The following IQSEC1 variants were observed in gnomAD, a reference collection of about 807,000 sequenced individuals.
IQSEC1 encodes the protein IQ motif and SEC7 domain-containing protein 1.
In IQSEC1, 31 loss-of-function variants were observed where a neutral mutation model predicts 91.0. The ratio of observed to expected loss-of-function variants is 0.34; its 90% CI spans 0.26 to 0.46. The LOEUF is 0.46. Among genes scored for constraint, IQSEC1 ranks in the 20% least tolerant of loss-of-function variants. The probability of loss-of-function intolerance (pLI) is 1.00; values close to 1 mark genes in which losing one functional copy is unlikely to be tolerated. For synonymous variants in IQSEC1, 699 were observed against 662.6 expected (o/e 1.05, Z -0.84); for missense variants, 1,388 against 1,575.6 (o/e 0.88, Z 2.02).
intron 2 of IQSEC1, among the ~76,000 whole-genome samples, chr3:13,154,282 C>T (rs1432159026): frequency 1.3e-5 from 2 of 149,844 alleles, no homozygotes; most frequent in African/African-American, 2.5e-5. Context: ...CTGTGCACCC[C>T]AAGCTGCCAG....
At chr3:12,931,427 C>T (rs935173727) in intron 3 of IQSEC1, among the ~76,000 whole-genome samples, 2 of 152,234 alleles carry the variant, frequency 1.3e-5, no homozygotes, top group Non-Finnish European at 2.9e-5. Context: ...CTCTCAGCCT[C>T]GCTGCCTGCA....
intron 1 of IQSEC1, among the ~76,000 whole-genome samples, chr3:12,947,304 C>T (rs764346551): frequency 3.9e-5 from 6 of 152,114 alleles, no homozygotes; most frequent in Admixed American, 1.3e-4. Flanking sequence ...GTGCAAGCTG[C>T]GGCAGGTCAG....
intron 1 of IQSEC1, among the ~76,000 whole-genome samples, chr3:13,173,736 C>G (rs1693664974): frequency 6.6e-6 from 1 of 152,240 alleles, no homozygotes; most frequent in Admixed American, 6.5e-5. Flanking sequence ...CTCCAAGCCT[C>G]AGTTTCCCCA....
intron 1 of IQSEC1, among the ~76,000 whole-genome samples, chr3:13,173,410 C>T (rs539434300): frequency 6.6e-6 from 1 of 152,352 alleles, no homozygotes; most frequent in Non-Finnish European, 1.5e-5. Context: ...CCCCCGGGGG[C>T]CTTGCTCCCT....
At chr3:13,210,487 C>T (rs764933223) in intron 1 of IQSEC1, among the ~76,000 whole-genome samples, 14 of 152,190 alleles carry the variant, frequency 9.2e-5, no homozygotes, top group Non-Finnish European at 2.1e-4. Flanking sequence ...CCAGGCCACC[C>T]GCCCCTCCCC....
chr3:13,082,760 C>T (rs993164397), intron 2 of IQSEC1, among the ~76,000 whole-genome samples: 2 of 152,230 alleles, frequency 1.3e-5, no homozygotes, highest in Non-Finnish European at 2.9e-5. Context: ...CCTTGGCTCT[C>T]GGAGACCTGT....
intron 2 of IQSEC1, among the ~76,000 whole-genome samples, chr3:13,097,062 G>A (rs543857255): frequency 2.0e-5 from 3 of 152,092 alleles, no homozygotes; most frequent in East Asian, 1.9e-4. Flanking sequence ...GGGTTTCACC[G>A]TGTTAGCCAG....
At chr3:13,208,873 G>A (rs1216631985) in intron 1 of IQSEC1, among the ~76,000 whole-genome samples, 6 of 152,206 alleles carry the variant, frequency 3.9e-5, no homozygotes, top group Non-Finnish European at 7.3e-5. Flanking sequence ...GTGCCTGGGG[G>A]TTGCCCCGGG....
chr3:13,163,034 GC>G (rs901742127), intron 2 of IQSEC1, among the ~76,000 whole-genome samples: 3 of 152,046 alleles, frequency 2.0e-5, no homozygotes, highest in African/African-American at 7.3e-5. Context: ...TTCTGAGCAT[GC>G]CTCTGCTTCC....
chr3:12,941,533 C>A (rs368588171), intron 2 of IQSEC1, 38 bp downstream of exon 2: 1 of 1,500,966 alleles, frequency 6.7e-7, no homozygotes. Flanking sequence ...AGCTGCCCTG[C>A]GCTTGCATGT....
intron 1 of IQSEC1, among the ~76,000 whole-genome samples, chr3:13,071,429 A>G (rs1197381320): frequency 2.0e-5 from 3 of 152,034 alleles, no homozygotes; most frequent in South Asian, 2.1e-4. Context: ...CCCCTCCCCG[A>G]TGTAACAGCC....
intron 1 of IQSEC1, among the ~76,000 whole-genome samples, chr3:13,017,973 G>A (rs1229339471): frequency 6.6e-6 from 1 of 152,180 alleles, no homozygotes; most frequent in African/African-American, 2.4e-5. Context: ...GTGGGGAGGA[G>A]GCTGGTGACC....
At position 12,901,094 on chromosome 3, in the gene IQSEC1, C is replaced by T. The variant is rs888147214; in HGVS notation, c.3234G>A (p.Pro1078=). Residue 1078 remains proline, a synonymous_variant, in exon 14 of 14, where the codon CCG becomes CCA. Coordinates refer to ENST00000613206, the MANE Select transcript of IQSEC1 (RefSeq NM_001134382.3). ...TGTGCCCCACGTGGGCCGAGGGCAG[C>T]GGCGGGTGGCCGTGGGCATGGGCCC... ...AYGAHAHGHP[P]LPSAHVGHTV... is the part of the protein sequence containing the mutation. The T allele has an allele frequency of 1.5e-5, 23 of 1,537,598 alleles. No individual in the cohort carries two copies. Among genetic ancestry groups the T allele is most frequent in the Middle Eastern group, 1.7e-4 (1 of 5,880 alleles).
intron 1 of IQSEC1, among the ~76,000 whole-genome samples, chr3:13,221,365 C>T (rs2125075152): frequency 6.6e-6 from 1 of 152,310 alleles, no homozygotes; most frequent in East Asian, 1.9e-4. Flanking sequence ...AGGACATGTC[C>T]CTGCGGTAGG....
In IQSEC1 at chr3:13,207,673, G is replaced by A. The variant is rs1352518557; in HGVS notation, c.273-43540C>T. 6.6e-6 allele frequency among the ~76,000 whole-genome samples: 1 copy of A among 152,172 alleles called. No individual in the cohort carries two copies. The highest frequency in any genetic ancestry group is 2.4e-5 in the African/African-American group (1 of 41,450). ...CCACCCCAGAGCCTCTGCACCCAGG[G>A]CTCCTTCGCCCCTCAGATTCCTGCA... On this transcript the variant is annotated intron_variant, in intron 1 of 15. Transcript: ENST00000648114. This position sits in a 1 kb window ranked among gnomAD's most constrained non-coding sequence, Gnocchi z 4.8.
intron 2 of IQSEC1, among the ~76,000 whole-genome samples, chr3:13,082,677 C>T (rs924869613): frequency 2.6e-5 from 4 of 152,232 alleles, no homozygotes; most frequent in African/African-American, 7.2e-5. Flanking sequence ...CCCCTAGCCC[C>T]GCACTGGGAA....
intron 2 of IQSEC1, among the ~76,000 whole-genome samples, chr3:13,110,910 C>T (rs563229834): frequency 2.2e-4 from 34 of 152,310 alleles, no homozygotes; most frequent in African/African-American, 6.7e-4. Context: ...GCCAGCTCAG[C>T]AGTAAACAAT....
chr3:12,903,994 C>G (rs1167017756), intron 12 of IQSEC1, among the ~76,000 whole-genome samples: 1 of 149,424 alleles, frequency 6.7e-6, no homozygotes, highest in Non-Finnish European at 1.5e-5. Context: ...GCCTTCAGAG[C>G]TGGACCCTAG....
intron 4 of IQSEC1, among the ~76,000 whole-genome samples, chr3:12,923,154 G>C (rs1375704246): frequency 3.3e-5 from 5 of 152,194 alleles, no homozygotes; most frequent in South Asian, 4.1e-4. Context: ...TGAGCAGCAG[G>C]AGCAGCGGCC....
Sources: allele counts gnomAD v4.1 joint callset (sites outside exome capture counted in the v4.1 genomes callset), GRCh38; gene constraint gnomAD v4.1.1; non-coding constraint Gnocchi (gnomAD v3.1); transcripts MANE v1.5; gene names NCBI Gene and HGNC (gene_info 2026-07-23, HGNC 2026-07-21).